Variants in JPT2 observed in about 807,000 individuals in gnomAD.
The protein encoded by JPT2 is Jupiter microtubule associated homolog 2.
JPT2 carries 9 observed loss-of-function variants against 15.9 expected under a neutral mutation model. The observed-to-expected ratio is 0.57, with a 90% confidence interval of 0.34 to 0.99. JPT2 has a LOEUF of 0.99. JPT2 is among the 50% of genes least tolerant of loss of function. The pLI is 0.02. For missense variants in JPT2, 267 were observed against 252.1 expected (o/e 1.06, Z -0.40); for synonymous variants, 95 against 91.7 (o/e 1.04, Z -0.21).
At chr16:1,680,010 G>T (rs1344372965) in intron 1 of JPT2, among the ~76,000 whole-genome samples, 1 of 151,712 alleles carries the variant, frequency 6.6e-6, no homozygotes, top group Non-Finnish European at 1.5e-5. Flanking sequence ...AGTGAGCCGA[G>T]ATCACACCAC....
chr16:1,696,594 T>A (rs1371555828), intron 3 of JPT2, among the ~76,000 whole-genome samples: 1 of 151,734 alleles, frequency 6.6e-6, no homozygotes, highest in Non-Finnish European at 1.5e-5. Flanking sequence ...GATAAGGAGT[T>A]ACTATCCAGA....
In JPT2 at chr16:1,699,325, A is replaced by T. The variant is rs2037165899; in HGVS notation, c.*327A>T. ...GATCAACAGCCCGCCAGCTGATTGGATGTCTAGGAATGACTGAAAGAAACC... is the reference window on the plus strand; with the variant it reads ...GATCAACAGCCCGCCAGCTGATTGGTTGTCTAGGAATGACTGAAAGAAACC... On this transcript the variant is annotated 3_prime_UTR_variant, in exon 5 of 5. Transcript: ENST00000248098. 1 of 524,706 alleles carries T rather than the reference A, an allele frequency of 1.9e-6. No individual in the cohort carries two copies. The highest frequency in any genetic ancestry group is 3.7e-6 in the Non-Finnish European group (1 of 270,962). The allele number at this position is 524,706 out of a possible 1,614,324, so 32.5% of individuals were successfully genotyped here.
At chr16:1,686,791 G>C (rs2037070183) in intron 2 of JPT2, 2 of 152,076 alleles carry the variant, frequency 1.3e-5, no homozygotes, top group South Asian at 4.1e-4. Context: ...TCCCCCGTCT[G>C]TACAAGAGGG....
intron 1 of JPT2, chr16:1,683,411 A>T (rs991573702): frequency 2.9e-6 from 2 of 678,840 alleles, no homozygotes; most frequent in Non-Finnish European, 5.1e-6. Context: ...GCTCCCGGAC[A>T]GCCCTTTCTC....
intron 1 of JPT2, among the ~76,000 whole-genome samples, chr16:1,682,332 G>A (rs1177894236): frequency 2.0e-5 from 3 of 151,688 alleles, no homozygotes; most frequent in African/African-American, 7.3e-5. Flanking sequence ...AGCTGAGATC[G>A]CGTCACTGTA....
At chr16:1,702,327 A>C (rs1027922553), downstream of JPT2, 26 of 297,858 alleles carry the variant, frequency 8.7e-5, no homozygotes, top group Admixed American at 3.8e-5. Context: ...AGCGAGTTCC[A>C]AGAACCAGGC....
In JPT2 at chr16:1,696,050, G is replaced by A. The variant is rs180966430; in HGVS notation, c.337-1762G>A. 8.6e-5 allele frequency among the ~76,000 whole-genome samples: 13 copies of A among 152,004 alleles called. No homozygotes were observed. The East Asian group carries it at 2.1e-3, about 25-fold the overall frequency. On this transcript the variant is annotated intron_variant, in intron 3 of 4. Coordinates refer to ENST00000248098, the MANE Select transcript of JPT2 (RefSeq NM_144570.3). ...TCGAGACCAGCCTAGCCAACATGGTGAAACCCCATGTCTACTAAAAATACG... is the reference window on the plus strand; with the variant it reads ...TCGAGACCAGCCTAGCCAACATGGTAAAACCCCATGTCTACTAAAAATACG...
At chr16:1,696,660 G>T (rs1480740042) in intron 3 of JPT2, among the ~76,000 whole-genome samples, 1 of 152,170 alleles carries the variant, frequency 6.6e-6, no homozygotes. Context: ...ATTCAAAAAT[G>T]GTAGTGGACT....
rs575657079 is a variant in JPT2, at chr16:1,700,832, G to A, written c.*1834G>A. On this transcript the variant is annotated 3_prime_UTR_variant, in exon 5 of 5. Coordinates refer to ENST00000248098, the MANE Select transcript of JPT2 (RefSeq NM_144570.3). ...GAAGAAATAGGACGTGACGGTACTG[G>A]GCCCTGTGATTCTCCCAGCCCTTGC... 1.1e-4 allele frequency: 16 copies of A among 152,374 alleles called. No homozygotes were observed. The highest frequency in any genetic ancestry group is 3.8e-4 in the African/African-American group (16 of 41,560). The allele number at this position is 152,374 out of a possible 1,614,324, so 9.4% of individuals were successfully genotyped here.
Position 1,699,807 on chromosome 16 carries a change from T to C in JPT2, c.*809T>C. 3.9e-6 allele frequency: 1 copy of C among 253,572 alleles called. No homozygotes were observed. The highest frequency in any genetic ancestry group is 8.1e-6 in the Non-Finnish European group (1 of 124,134). The allele number at this position is 253,572 out of a possible 1,614,324, so 15.7% of individuals were successfully genotyped here. ...TTCTCCAGTGATGTAGACAGTTCCC[T>C]TCACAAGTCACAGTTCTTCCCATAA... On this transcript the variant is annotated 3_prime_UTR_variant, in exon 5 of 5. Transcript: ENST00000248098.
intron 3 of JPT2, chr16:1,692,225 C>A: frequency 1.8e-6 from 1 of 558,534 alleles, no homozygotes; most frequent in South Asian, 2.1e-5. Context: ...GGCGGACGCC[C>A]ACTGCAGACG....
At chr16:1,692,025 A>G (rs1466713591) in intron 3 of JPT2, 40 bp downstream of exon 3, 1 of 1,609,604 alleles carries the variant, frequency 6.2e-7, no homozygotes, top group Non-Finnish European at 8.5e-7. Context: ...AGCAGCGGGT[A>G]TGCCAGGTGC....
At chr16:1,696,549 C>T (rs2037143909) in intron 3 of JPT2, among the ~76,000 whole-genome samples, 1 of 151,804 alleles carries the variant, frequency 6.6e-6, no homozygotes, top group South Asian at 2.1e-4. Context: ...AAAGATAACT[C>T]GCAGAATGGG....
rs1567473460 is a variant in JPT2, at chr16:1,701,336, CA to C, written c.*2339del. Reference sequence around the variant, plus strand: ...CAAAACAAAAAGCCTGTACTCACATCACAATGTCATTTTGATAGGAGCGTTT... The same window carrying C: ...CAAAACAAAAAGCCTGTACTCACATCCAATGTCATTTTGATAGGAGCGTTT... On this transcript the variant is annotated 3_prime_UTR_variant, in exon 5 of 5. Transcript: ENST00000248098. The C allele has an allele frequency of 6.6e-6, 1 of 152,630 alleles. No individual in the cohort carries two copies. Among genetic ancestry groups the C allele is most frequent in the Non-Finnish European group, 1.5e-5 (1 of 68,052 alleles). 9.5% of individuals were successfully genotyped at this position (152,630 alleles called of 1,614,324 possible). A position where few individuals can be genotyped will look rare whatever the true frequency, so the allele number is the denominator to read the frequency against.
intron 1 of JPT2, among the ~76,000 whole-genome samples, chr16:1,682,672 C>CAAA (rs531013322): frequency 8.7e-6 from 1 of 115,380 alleles, no homozygotes; most frequent in Admixed American, 9.0e-5. Context: ...GATTTCGTCT[C>CAAA]AAAAAAAAAA....
At chr16:1,693,163 G>A (rs1003320108) in intron 3 of JPT2, among the ~76,000 whole-genome samples, 3 of 152,232 alleles carry the variant, frequency 2.0e-5, no homozygotes, top group Admixed American at 6.5e-5. Flanking sequence ...GCAGTGGCAC[G>A]ATCTCAACTC....
Position 1,685,449 on chromosome 16 carries a change from C to T in JPT2, c.55C>T (p.Pro19Ser). The T allele has an allele frequency of 6.2e-7, 1 of 1,613,988 alleles. No homozygotes were observed. The highest frequency in any genetic ancestry group is 8.5e-7 in the Non-Finnish European group (1 of 1,179,944). ...ACTCTGTGCTTGTAGGGCCATGAAG[C>T]CCCCAGGAGGAGAATCGAGCAATCT... is the stretch of plus-strand genomic sequence containing the variant. ...GGRAGSRAMK[P>S]PGGESSNLFG... Residue 19 changes from proline (P) to serine (S), a missense_variant, in exon 2 of 5, where the codon CCC becomes TCC. Pro to Ser is a moderately conservative substitution (Grantham distance 74). Coordinates refer to ENST00000248098, the MANE Select transcript of JPT2 (RefSeq NM_144570.3).
chr16:1,701,918 T>G lies in JPT2; in HGVS notation c.*2920T>G. The G allele has an allele frequency of 3.1e-6, 1 of 325,548 alleles. No individual in the cohort carries two copies. Among genetic ancestry groups the G allele is most frequent in the South Asian group, 2.4e-5 (1 of 40,848 alleles). 20.2% of individuals were successfully genotyped at this position (325,548 alleles called of 1,614,324 possible). On this transcript the variant is annotated 3_prime_UTR_variant, in exon 5 of 5. Coordinates refer to ENST00000248098, the MANE Select transcript of JPT2 (RefSeq NM_144570.3). ...TTAGCCGGATGTGGTGGTGCATGCC[T>G]GTAGTCCCAGCTACTCGGGAGGCTG...
At chr16:1,687,665 A>G (rs2037077452) in intron 2 of JPT2, among the ~76,000 whole-genome samples, 2 of 152,160 alleles carry the variant, frequency 1.3e-5, no homozygotes, top group African/African-American at 4.8e-5. Flanking sequence ...TCCTGGTCAC[A>G]GTGTGTGGTG....
Sources: allele counts gnomAD v4.1 joint callset (sites outside exome capture counted in the v4.1 genomes callset), GRCh38; gene constraint gnomAD v4.1.1; transcripts MANE v1.5; gene names NCBI Gene and HGNC (gene_info 2026-07-23, HGNC 2026-07-21).